The following LIN52 variants were observed in gnomAD, a reference collection of about 807,000 sequenced individuals.
The protein encoded by LIN52 is lin-52 DREAM MuvB core complex component.
Under a neutral mutation model 18.5 loss-of-function variants are expected in LIN52, and 4 were observed. That is an observed-to-expected ratio of 0.22 (90% CI 0.11 to 0.49). The LOEUF (loss-of-function observed/expected upper bound fraction) is 0.49. Ranked by LOEUF, LIN52 falls within the 20% of genes least tolerant of loss-of-function variation. The probability of loss-of-function intolerance (pLI) is 0.97; values close to 1 mark genes in which losing one functional copy is unlikely to be tolerated. For synonymous variants in LIN52, 34 were observed against 45.5 expected (o/e 0.75, Z 1.02); for missense variants, 102 against 139.5 (o/e 0.73, Z 1.35).
At chr14:74,183,302 T>A (rs1022317829) in intron 5 of LIN52, among the ~76,000 whole-genome samples, 8 of 152,128 alleles carry the variant, frequency 5.3e-5, no homozygotes, top group Non-Finnish European at 8.8e-5. Context: ...GGATTCACCA[T>A]GTTAGCCAGG....
intron 5 of LIN52, among the ~76,000 whole-genome samples, chr14:74,166,497 G>A (rs2061250529): frequency 6.6e-6 from 1 of 152,222 alleles, no homozygotes; most frequent in Non-Finnish European, 1.5e-5. Context: ...ACAGGCATGA[G>A]CCACCGCGCC....
rs533510714 is a variant in LIN52, at chr14:74,191,673, G to A, written c.284-7249G>A. 7.8e-4 allele frequency among the ~76,000 whole-genome samples: 112 copies of A among 143,468 alleles called. 1 individual carries two copies. Among genetic ancestry groups the A allele is most frequent in the African/African-American group, 2.8e-3 (106 of 38,160 alleles). The allele number at this position is 143,468 out of a possible 152,430, so 94.1% of individuals were successfully genotyped here. The stretch of plus-strand genomic sequence containing the variant: ...TTTTGAGATGGAGCCTTGCTCTGTC[G>A]TCCAGGCCGGAGTGCAGTGGTGCAA... On this transcript the variant is annotated intron_variant, in intron 5 of 5. Coordinates refer to ENST00000555028, the MANE Select transcript of LIN52 (RefSeq NM_001024674.3).
At chr14:74,173,788 CAG>C (rs1326984353) in intron 5 of LIN52, among the ~76,000 whole-genome samples, 2 of 152,138 alleles carry the variant, frequency 1.3e-5, no homozygotes, top group African/African-American at 2.4e-5. Flanking sequence ...TGAATTTAAA[CAG>C]AATTGAATTT....
At chr14:74,195,092 G>A (rs2078903470) in intron 5 of LIN52, among the ~76,000 whole-genome samples, 1 of 152,178 alleles carries the variant, frequency 6.6e-6, no homozygotes, top group Non-Finnish European at 1.5e-5. Flanking sequence ...GTTGCAGTGA[G>A]CTGAGATTGC....
Position 74,199,123 on chromosome 14 carries a change from A to G in LIN52, c.*146A>G. Reference sequence around the variant, plus strand: ...CCCTCTCCCCTGCTCCTGGCACTCTACACGTCTGAGGACATTCAGCAGCAA... The same window carrying G: ...CCCTCTCCCCTGCTCCTGGCACTCTGCACGTCTGAGGACATTCAGCAGCAA... On this transcript the variant is annotated 3_prime_UTR_variant, in exon 6 of 6. Transcript: ENST00000555028. 3.3e-6 allele frequency: 2 copies of G among 608,992 alleles called. No homozygotes were observed. The highest frequency in any genetic ancestry group is 2.0e-5 in the South Asian group (1 of 49,356). 37.7% of individuals were successfully genotyped at this position (608,992 alleles called of 1,614,324 possible). A position where few individuals can be genotyped will look rare whatever the true frequency, so the allele number is the denominator to read the frequency against.
intron 5 of LIN52, among the ~76,000 whole-genome samples, chr14:74,123,811 G>T (rs1043586880): frequency 2.0e-5 from 3 of 152,130 alleles, no homozygotes; most frequent in African/African-American, 7.2e-5. Flanking sequence ...ATCCCCCAGA[G>T]AAGCACATTG....
rs977862116 is a variant in LIN52, at chr14:74,094,068, AT to A, written c.95-1870del. Among the ~76,000 whole-genome samples the A allele has an allele frequency of 5.4e-5, 8 of 149,450 alleles. No homozygotes were observed. In the East Asian group the frequency reaches 7.8e-4, roughly 15 times the overall value. Reference sequence around the variant, plus strand: ...AATTTTTTAAGTATGTATAAGAGGGATTTTTTTTTTCTTCATAATGTTGGAG... The same window carrying A: ...AATTTTTTAAGTATGTATAAGAGGGATTTTTTTTTCTTCATAATGTTGGAG... On this transcript the variant is annotated intron_variant, in intron 2 of 5. Transcript: ENST00000555028.
chr14:74,103,733 GTTTTTTTTTTTTTTTT>G (rs573188668), intron 5 of LIN52, among the ~76,000 whole-genome samples: 11 of 46,038 alleles, frequency 2.4e-4, no homozygotes, highest in Non-Finnish European at 3.2e-4. Flanking sequence ...GGCCTGGCCA[GTTTTTTTTTTTTTTTT>G]TTTTTTTTTT....
chr14:74,141,676 G>A (rs150874954), intron 5 of LIN52, among the ~76,000 whole-genome samples: 1 of 152,148 alleles, frequency 6.6e-6, no homozygotes, highest in Non-Finnish European at 1.5e-5. Context: ...TGCATCATTA[G>A]CCGGACATAT....
chr14:74,195,575 T>TGTGTGTGC (rs559855495), intron 5 of LIN52, among the ~76,000 whole-genome samples: 17 of 151,678 alleles, frequency 1.1e-4, no homozygotes, highest in African/African-American at 3.4e-4. Flanking sequence ...TGTGTGTGTG[T>TGTGTGTGC]GCGCGTGTAG....
chr14:74,170,704 A>C (rs947304642), intron 5 of LIN52, among the ~76,000 whole-genome samples: 1 of 152,078 alleles, frequency 6.6e-6, no homozygotes, highest in African/African-American at 2.4e-5. Flanking sequence ...AGTTTCTATA[A>C]GCAGTAGAAA....
At chr14:74,097,525 G>A (rs1297273819) in intron 3 of LIN52, among the ~76,000 whole-genome samples, 1 of 149,022 alleles carries the variant, frequency 6.7e-6, no homozygotes, top group Non-Finnish European at 1.5e-5. Context: ...CCACATTCAA[G>A]AGGTTCAAGC....
intron 1 of LIN52, chr14:74,085,665 C>A (rs2060723817): frequency 2.0e-5 from 3 of 151,984 alleles, no homozygotes; most frequent in Admixed American, 1.3e-4. Context: ...TTAACGATTT[C>A]TGTTTATATA....
At chr14:74,171,617 G>A (rs1314702553) in intron 5 of LIN52, among the ~76,000 whole-genome samples, 2 of 151,668 alleles carry the variant, frequency 1.3e-5, no homozygotes, top group African/African-American at 4.8e-5. Context: ...AAAGAATGTT[G>A]TCTAAAAAGT....
intron 5 of LIN52, among the ~76,000 whole-genome samples, chr14:74,182,249 C>T (rs1046829735): frequency 2.0e-5 from 3 of 152,144 alleles, no homozygotes; most frequent in Non-Finnish European, 4.4e-5. Context: ...TGAGCTCTAG[C>T]GGTCTGCCCG....
intron 5 of LIN52, among the ~76,000 whole-genome samples, chr14:74,115,506 T>C (rs2060959483): frequency 6.6e-6 from 1 of 152,206 alleles, no homozygotes; most frequent in Non-Finnish European, 1.5e-5. Flanking sequence ...CAAATACTGA[T>C]GGAAACTTAT....
At chr14:74,150,648 T>C (rs2061172969) in intron 5 of LIN52, among the ~76,000 whole-genome samples, 1 of 152,208 alleles carries the variant, frequency 6.6e-6, no homozygotes, top group Admixed American at 6.5e-5. Flanking sequence ...TCTGTTCATA[T>C]GTTATACTTT....
At chr14:74,160,029 G>A (rs1302473178) in intron 5 of LIN52, among the ~76,000 whole-genome samples, 1 of 152,160 alleles carries the variant, frequency 6.6e-6, no homozygotes, top group Non-Finnish European at 1.5e-5. Flanking sequence ...TCTCTGTTAT[G>A]GATTGAATTT....
chr14:74,140,658 G>A (rs1306609303), intron 5 of LIN52, among the ~76,000 whole-genome samples: 1 of 152,186 alleles, frequency 6.6e-6, no homozygotes, highest in Admixed American at 6.5e-5. Flanking sequence ...GGTCCCAGTG[G>A]GGCGGTGCTT....
Sources: gnomAD v4.1 joint callset for allele counts (sites outside exome capture counted in the v4.1 genomes callset) on GRCh38, gnomAD v4.1.1 for gene constraint, MANE v1.5 for transcripts, NCBI Gene and HGNC (gene_info 2026-07-23, HGNC 2026-07-21) for gene names.